The following NLGN1 variants were observed in gnomAD, a reference collection of about 807,000 sequenced individuals.
NLGN1 encodes neuroligin 1, also known as neuroligin-1.
A neutral mutation model predicts 65.5 loss-of-function variants in NLGN1; 12 were observed. The observed-to-expected ratio is 0.18, with a 90% CI of 0.12 to 0.30. The LOEUF (loss-of-function observed/expected upper bound fraction) is 0.30. NLGN1 is among the 10% of genes least tolerant of loss of function. The probability of loss-of-function intolerance (pLI) is 1.00; values close to 1 mark genes in which losing one functional copy is unlikely to be tolerated. For missense variants in NLGN1, 750 were observed against 1,007.1 expected, an observed-to-expected ratio of 0.74 and a Z score of 3.46; for synonymous variants, 350 against 359.5, an observed-to-expected ratio of 0.97 and a Z score of 0.30.
At chr3:174,237,988 A>G (rs1313009343) in intron 4 of NLGN1, among the ~76,000 whole-genome samples, 4 of 152,330 alleles carry the variant, frequency 2.6e-5, no homozygotes, top group African/African-American at 7.2e-5. Context: ...TTTGTGGACA[A>G]CATTTTTACC....
intron 4 of NLGN1, among the ~76,000 whole-genome samples, chr3:173,856,982 C>T (rs1317034911): frequency 6.7e-6 from 1 of 149,136 alleles, no homozygotes; most frequent in East Asian, 2.0e-4. Flanking sequence ...ATTGAAGAAG[C>T]TGGAAAGGCA....
At chr3:174,236,165 G>C (rs1311563788) in intron 4 of NLGN1, among the ~76,000 whole-genome samples, 1 of 152,098 alleles carries the variant, frequency 6.6e-6, no homozygotes, top group Non-Finnish European at 1.5e-5. Context: ...CATACAATCA[G>C]TTTTGATAAA....
intron 4 of NLGN1, among the ~76,000 whole-genome samples, chr3:173,990,695 G>A (rs1720907239): frequency 6.6e-6 from 1 of 152,002 alleles, no homozygotes; most frequent in Non-Finnish European, 1.5e-5. Context: ...AATTTAAAGA[G>A]AAAATTAGTA....
At chr3:174,043,867 G>T (rs150907415) in intron 4 of NLGN1, among the ~76,000 whole-genome samples, 1 of 152,236 alleles carries the variant, frequency 6.6e-6, no homozygotes, top group Non-Finnish European at 1.5e-5. Context: ...TTTCCCTTAT[G>T]CACTGCCCTG....
At chr3:173,539,797 CATAT>C (rs145425280) in intron 2 of NLGN1, among the ~76,000 whole-genome samples, 1 of 129,070 alleles carries the variant, frequency 7.7e-6, no homozygotes, top group Non-Finnish European at 1.6e-5. Context: ...TACATATATA[CATAT>C]ATATACATAT....
chr3:174,290,152 G>T (rs1262615379), downstream of NLGN1, among the ~76,000 whole-genome samples: 2 of 150,414 alleles, frequency 1.3e-5, no homozygotes, highest in Non-Finnish European at 1.5e-5. Flanking sequence ...CAGACTTTAG[G>T]TGAGTAAGGG....
intron 4 of NLGN1, among the ~76,000 whole-genome samples, chr3:173,971,171 GGA>G (rs1410929809): frequency 6.6e-6 from 1 of 151,832 alleles, no homozygotes; most frequent in Non-Finnish European, 1.5e-5. Context: ...CGAGAAAGAG[GGA>G]ATCATAAAGG....
intron 4 of NLGN1, among the ~76,000 whole-genome samples, chr3:174,198,844 CT>C (rs56752477): frequency 9.6e-4 from 96 of 99,878 alleles, no homozygotes; most frequent in African/African-American, 2.0e-3. Flanking sequence ...TGACTAGATT[CT>C]TTTTTTTTTT....
At chr3:173,525,705 T>C (rs1322411776) in intron 2 of NLGN1, among the ~76,000 whole-genome samples, 17 of 152,154 alleles carry the variant, frequency 1.1e-4, no homozygotes. Context: ...TAATTTGAGA[T>C]CTTTCTATCT....
chr3:174,293,880 A>C, the NLGN1 span, among the ~76,000 whole-genome samples: 6 of 151,758 alleles, frequency 4.0e-5, no homozygotes, highest in African/African-American at 1.4e-4. Context: ...AGAACATAGA[A>C]AACTACACAA....
intron 3 of NLGN1, among the ~76,000 whole-genome samples, chr3:173,699,725 T>G (rs1174392679): frequency 6.6e-6 from 1 of 152,176 alleles, no homozygotes; most frequent in Admixed American, 6.5e-5. Context: ...ATTTTATGTT[T>G]TAAGGTTTAG....
intron 4 of NLGN1, among the ~76,000 whole-genome samples, chr3:173,877,957 T>C (rs765640022): frequency 6.6e-6 from 1 of 152,200 alleles, no homozygotes; most frequent in Admixed American, 6.5e-5. Context: ...TCTTAACTAC[T>C]GTTATATGGT....
chr3:173,450,157 C>T (rs1261860745), intron 2 of NLGN1, among the ~76,000 whole-genome samples: 1 of 152,096 alleles, frequency 6.6e-6, no homozygotes, highest in Non-Finnish European at 1.5e-5. Flanking sequence ...CTTTCTAGTC[C>T]TGATGGTCTT....
At chr3:173,473,448 A>C (rs1448207729) in intron 2 of NLGN1, among the ~76,000 whole-genome samples, 1 of 152,178 alleles carries the variant, frequency 6.6e-6, no homozygotes, top group Non-Finnish European at 1.5e-5. Context: ...CTTGCAGAAA[A>C]GATGTTTAGA....
chr3:173,749,175 T>A (rs1775968780), intron 3 of NLGN1, among the ~76,000 whole-genome samples: 1 of 152,052 alleles, frequency 6.6e-6, no homozygotes, highest in Non-Finnish European at 1.5e-5. Context: ...ACGCTTTTTG[T>A]TTTTTAGCCT....
At chr3:173,469,496 T>C (rs1206441338) in intron 2 of NLGN1, among the ~76,000 whole-genome samples, 4 of 152,132 alleles carry the variant, frequency 2.6e-5, no homozygotes, top group African/African-American at 9.7e-5. Flanking sequence ...TTCAAAATGT[T>C]CCTTGGCTTG....
intron 4 of NLGN1, among the ~76,000 whole-genome samples, chr3:173,851,545 T>C (rs543075772): frequency 6.6e-6 from 1 of 152,314 alleles, no homozygotes; most frequent in African/African-American, 2.4e-5. Flanking sequence ...AAATCTTGAA[T>C]TTTCCAGGTA....
chr3:173,492,441 T>A (rs1729336892), intron 2 of NLGN1, among the ~76,000 whole-genome samples: 1 of 151,794 alleles, frequency 6.6e-6, no homozygotes, highest in African/African-American at 2.4e-5. Context: ...CAGATATATA[T>A]TTCTTATGGG....
At chr3:173,696,447 C>A (rs1367632457) in intron 3 of NLGN1, among the ~76,000 whole-genome samples, 1 of 152,054 alleles carries the variant, frequency 6.6e-6, no homozygotes, top group African/African-American at 2.4e-5. Context: ...TTTTCTAAAC[C>A]TTGAAAAGGG....
Sources: allele counts gnomAD v4.1 joint callset (sites outside exome capture counted in the v4.1 genomes callset), GRCh38; gene constraint gnomAD v4.1.1; transcripts MANE v1.5; gene names NCBI Gene and HGNC (gene_info 2026-07-23, HGNC 2026-07-21).